Variants in LARP4 observed in about 807,000 individuals in gnomAD.
LARP4 encodes la-related protein 4.
A neutral mutation model predicts 92.9 loss-of-function variants in LARP4; 29 were observed. The ratio of observed to expected loss-of-function variants is 0.31; its 90% CI spans 0.23 to 0.43. LARP4 has a LOEUF of 0.43. Ranked by LOEUF, LARP4 falls within the 20% of genes least tolerant of loss-of-function variation. The pLI is 1.00. For synonymous variants in LARP4, 279 were observed against 284.1 expected (o/e 0.98, Z 0.18); for missense variants, 732 against 860.0 (o/e 0.85, Z 1.86).
At chr12:50,422,836 T>G (rs933585998) in intron 1 of LARP4, among the ~76,000 whole-genome samples, 1 of 148,376 alleles carries the variant, frequency 6.7e-6, no homozygotes, top group African/African-American at 2.5e-5. Context: ...TTATTATTTT[T>G]GAGACGAGTC....
At chr12:50,421,590 A>G (rs1049341037) in intron 1 of LARP4, among the ~76,000 whole-genome samples, 1 of 152,044 alleles carries the variant, frequency 6.6e-6, no homozygotes, top group Non-Finnish European at 1.5e-5. Flanking sequence ...GGTTGCAGTG[A>G]GCCAAGATCT....
chr12:50,446,587 C>T lies in LARP4; in HGVS notation c.804+4944C>T, dbSNP rs183339290. ...GGTACTACAGACGCATGCCACCATG[C>T]TTGGCTAATTTTTGTAGTTTTAGTA... On this transcript the variant is annotated intron_variant, in intron 8 of 15. Transcript: ENST00000398473. Among the ~76,000 whole-genome samples the T allele has an allele frequency of 2.0e-5, 3 of 149,518 alleles. No individual in the cohort carries two copies. In the Admixed American group the frequency reaches 2.0e-4, roughly 10 times the overall value.
At chr12:50,469,402 G>C (rs1477014127) in intron 13 of LARP4, among the ~76,000 whole-genome samples, 2 of 150,922 alleles carry the variant, frequency 1.3e-5, no homozygotes, top group African/African-American at 2.4e-5. Context: ...CAGGAGATCG[G>C]GACCATCCTG....
chr12:50,461,088 C>G, intron 10 of LARP4, 47 bp from the exon 11 acceptor site: 1 of 1,507,668 alleles, frequency 6.6e-7, no homozygotes, highest in South Asian at 1.1e-5. Flanking sequence ...AGATGTTTTT[C>G]TGTCTCGATT....
chr12:50,448,580 G>T (rs964891334), intron 8 of LARP4, among the ~76,000 whole-genome samples: 3 of 152,110 alleles, frequency 2.0e-5, no homozygotes, highest in Non-Finnish European at 4.4e-5. Context: ...AGGCTGGAGT[G>T]AAGTGTGGTC....
chr12:50,422,284 G>A (rs1192392527), intron 1 of LARP4, among the ~76,000 whole-genome samples: 1 of 152,114 alleles, frequency 6.6e-6, no homozygotes, highest in African/African-American at 2.4e-5. Context: ...CTAAAAAGTA[G>A]GGGAGATGAT....
Position 50,453,449 on chromosome 12 carries a change from TC to T in LARP4, c.805-9del. Reference sequence around the variant, plus strand: ...TTAATTCTTTGTTGCTATAATGTGTTCCTCTTCTAGGCAAGGATAAAAGCCA... The same window carrying T: ...TTAATTCTTTGTTGCTATAATGTGTTCTCTTCTAGGCAAGGATAAAAGCCA... On this transcript the variant is annotated splice_polypyrimidine_tract_variant and intron_variant, in intron 8 of 15. Coordinates refer to ENST00000398473, the MANE Select transcript of LARP4 (RefSeq NM_052879.5). 1 of 1,517,296 alleles carries T rather than the reference TC, an allele frequency of 6.6e-7. No individual in the cohort carries two copies. The highest frequency in any genetic ancestry group is 9.1e-7 in the Non-Finnish European group (1 of 1,093,404). 94.0% of individuals were successfully genotyped at this position (1,517,296 alleles called of 1,614,324 possible). A position where few individuals can be genotyped will look rare whatever the true frequency, so the allele number is the denominator to read the frequency against.
At chr12:50,435,350 C>T (rs1950252993) in intron 4 of LARP4, 138 bp from the exon 5 acceptor site, 4 of 610,794 alleles carry the variant, frequency 6.5e-6, no homozygotes, top group Non-Finnish European at 1.1e-5. Flanking sequence ...TTTTAGAGTT[C>T]ACTGAAAAGT....
At chr12:50,462,660 T>C in intron 12 of LARP4, 30 bp downstream of exon 12, 1 of 1,474,632 alleles carries the variant, frequency 6.8e-7, no homozygotes. Flanking sequence ...TATTCAGACT[T>C]TTTTCTCTTC....
intron 4 of LARP4, 48 bp from the exon 5 acceptor site, chr12:50,435,440 A>G (rs2137368361): frequency 8.9e-7 from 1 of 1,119,010 alleles, no homozygotes; most frequent in East Asian, 2.4e-5. Context: ...CTCTTGTTAG[A>G]TGCTTTTTAA....
chr12:50,402,418 G>C (rs1944036058), intron 1 of LARP4, among the ~76,000 whole-genome samples: 1 of 152,094 alleles, frequency 6.6e-6, no homozygotes, highest in Non-Finnish European at 1.5e-5. Context: ...TAAGAAATCA[G>C]ATAAGATTTT....
At chr12:50,473,695 G>A (rs1420405875) in intron 14 of LARP4, among the ~76,000 whole-genome samples, 159 bp downstream of exon 14, 4 of 150,816 alleles carry the variant, frequency 2.7e-5, no homozygotes, top group East Asian at 2.0e-4. Flanking sequence ...GTGAAACCCC[G>A]TCTCTACTAA....
At position 50,474,034 on chromosome 12, in the gene LARP4, C is replaced by G. The variant is rs1326014496; in HGVS notation, c.1703C>G (p.Ser568Cys). 1 of 1,612,082 alleles carries G rather than the reference C, an allele frequency of 6.2e-7. No homozygotes were observed. Among genetic ancestry groups the G allele is most frequent in the East Asian group, 2.2e-5 (1 of 44,866 alleles). Reference sequence around the variant, plus strand: ...CAAGAAAAGGATCTAATAGAAGATTCCTCTGTTCAGAAGGATGGTCTCAAT... The same window carrying G: ...CAAGAAAAGGATCTAATAGAAGATTGCTCTGTTCAGAAGGATGGTCTCAAT... ...TQQEKDLIEDSSVQKDGLNQT... is the reference protein window; with the variant it reads ...TQQEKDLIEDCSVQKDGLNQT... The change falls in exon 15 of 16, where the codon TCC becomes TGC. Residue 568 changes from serine (S) to cysteine (C), a missense_variant. Physicochemically the swap from Ser to Cys is moderately radical, Grantham distance 112 (BLOSUM62 -1). Transcript: ENST00000398473.
chr12:50,401,081 G>C (rs1316352908), intron 1 of LARP4, 53 bp downstream of exon 1: 3 of 1,602,220 alleles, frequency 1.9e-6, no homozygotes, highest in Non-Finnish European at 2.6e-6. Flanking sequence ...GGAGTGTAGA[G>C]GCGCCGGCCG....
At chr12:50,427,522 A>G (rs1363810590) in intron 1 of LARP4, among the ~76,000 whole-genome samples, 2 of 152,008 alleles carry the variant, frequency 1.3e-5, no homozygotes, top group African/African-American at 4.8e-5. Context: ...CATTGCACCT[A>G]GGCAGTATTT....
At chr12:50,410,007 G>A (rs567870121) in intron 1 of LARP4, among the ~76,000 whole-genome samples, 13 of 151,124 alleles carry the variant, frequency 8.6e-5, no homozygotes, top group Non-Finnish European at 1.8e-4. Flanking sequence ...GGTCAGGCTG[G>A]TCTCGAACTC....
At chr12:50,410,011 C>CG (rs1945568060) in intron 1 of LARP4, among the ~76,000 whole-genome samples, 1 of 150,794 alleles carries the variant, frequency 6.6e-6, no homozygotes, top group Admixed American at 6.6e-5. Context: ...AGGCTGGTCT[C>CG]GAACTCCTGC....
At chr12:50,413,899 A>G (rs550459776) in intron 1 of LARP4, among the ~76,000 whole-genome samples, 208 of 152,288 alleles carry the variant, frequency 1.4e-3, no homozygotes, top group African/African-American at 4.9e-3. Context: ...GGTATATTCT[A>G]TTTTATAGAT....
chr12:50,435,516 A>G lies in LARP4; in HGVS notation c.427A>G (p.Ile143Val), dbSNP rs977935863. Residue 143 changes from isoleucine to valine, a missense_variant, in exon 5 of 16, where the codon ATA becomes GTA. Ile to Val is a conservative substitution (Grantham distance 29). Coordinates refer to ENST00000398473, the MANE Select transcript of LARP4 (RefSeq NM_052879.5). ...RENLSKDLYL[I>V]SQMDSDQFIP... ...AAATTTGTCAAAGGATCTTTACTTG[A>G]TATCTCAAATGGATAGTGATCAGTT... 1.2e-5 allele frequency: 19 copies of G among 1,568,030 alleles called. No homozygotes were observed. Among genetic ancestry groups the G allele is most frequent in the Non-Finnish European group, 1.6e-5 (18 of 1,143,068 alleles).
Sources: gnomAD v4.1 joint callset for allele counts (sites outside exome capture counted in the v4.1 genomes callset) on GRCh38, gnomAD v4.1.1 for gene constraint, MANE v1.5 for transcripts, NCBI Gene and HGNC (gene_info 2026-07-23, HGNC 2026-07-21) for gene names.